Variants in ZSWIM5 observed in about 807,000 individuals in gnomAD.
ZSWIM5 encodes zinc finger SWIM domain-containing protein 5.
Under a neutral mutation model 119.6 loss-of-function variants are expected in ZSWIM5, and 55 were observed. The ratio of observed to expected loss-of-function variants is 0.46; its 90% CI spans 0.37 to 0.58. The LOEUF is 0.58. ZSWIM5 is among the 20% of genes least tolerant of loss of function. The pLI, the probability that ZSWIM5 is intolerant of heterozygous loss-of-function variation, is 0.00. For missense variants in ZSWIM5, 1,193 were observed against 1,512.8 expected, an observed-to-expected ratio of 0.79 and a Z score of 3.51; for synonymous variants, 537 against 606.9, an observed-to-expected ratio of 0.88 and a Z score of 1.69.
chr1:45,179,448 G>A (rs1646001290), intron 1 of ZSWIM5, among the ~76,000 whole-genome samples: 1 of 152,012 alleles, frequency 6.6e-6, no homozygotes, highest in African/African-American at 2.4e-5. Flanking sequence ...TACAACATAG[G>A]GAAGGGAGAG....
intron 4 of ZSWIM5, among the ~76,000 whole-genome samples, chr1:45,051,473 T>A (rs1225346368): frequency 6.6e-6 from 1 of 152,202 alleles, no homozygotes; most frequent in African/African-American, 2.4e-5. Flanking sequence ...GTGCCTGTGA[T>A]ATAAAGACAG....
At chr1:45,130,987 A>G (rs981767092) in intron 1 of ZSWIM5, among the ~76,000 whole-genome samples, 1 of 152,168 alleles carries the variant, frequency 6.6e-6, no homozygotes, top group African/African-American at 2.4e-5. Flanking sequence ...CAATCCCCCA[A>G]AGCTACATTA....
rs746498350 is a variant in ZSWIM5, at chr1:45,020,099, C to T, written c.2662G>A (p.Val888Ile). ...GTAGCACAGGTCACCAACCATCGTA[C>T]CATCTCCCTGCGTCTCCAGTTAAGG... ...STLNWRRREM[V>I]RWLVTCATEV... The change falls in exon 13 of 14, where the codon GTA becomes ATA. Residue 888 changes from valine to isoleucine, a missense_variant. By Grantham distance (29) the Val-to-Ile change is conservative. Transcript: ENST00000359600. 8 of 1,614,032 alleles carry T rather than the reference C, an allele frequency of 5.0e-6. No individual in the cohort carries two copies. Among genetic ancestry groups the T allele is most frequent in the Non-Finnish European group, 5.9e-6 (7 of 1,180,032 alleles).
In ZSWIM5 at chr1:45,205,820, C is replaced by A. The variant is rs1250378173; in HGVS notation, c.531G>T (p.Gly177=). 3.3e-6 allele frequency: 5 copies of A among 1,522,190 alleles called. No individual in the cohort carries two copies. 94.3% of individuals were successfully genotyped at this position (1,522,190 alleles called of 1,614,324 possible). Residue 177 remains glycine (G), a synonymous_variant, in exon 1 of 14, where the codon GGG becomes GGT. Coordinates refer to ENST00000359600, the MANE Select transcript of ZSWIM5 (RefSeq NM_020883.2). ...GAGAAGCGGE[G]LPFRRGIRLL... ...GACGGATGCCCCGGCGGAACGGGAG[C>A]CCCTCGCCACCGCAGCCGGCCGCGC...
chr1:45,115,322 A>C (rs1645546282), intron 1 of ZSWIM5, among the ~76,000 whole-genome samples: 1 of 147,412 alleles, frequency 6.8e-6, no homozygotes, highest in African/African-American at 2.6e-5. Flanking sequence ...CCGGGTGGAG[A>C]CGCTCCTCAT....
At chr1:45,150,867 T>C (rs1343369228) in intron 1 of ZSWIM5, among the ~76,000 whole-genome samples, 1 of 152,198 alleles carries the variant, frequency 6.6e-6, no homozygotes, top group Admixed American at 6.5e-5. Context: ...CAGACCTTTA[T>C]GTGACCTAGA....
In ZSWIM5 at chr1:45,160,989, A is replaced by ATTTTTTTTTTTTTTTTTTTTTTT. The variant is rs534599856; in HGVS notation, c.595+44766_595+44767insAAAAAAAAAAAAAAAAAAAAAAA. Among the ~76,000 whole-genome samples, 128 of 122,600 alleles carry ATTTTTTTTTTTTTTTTTTTTTTT rather than the reference A, an allele frequency of 1.0e-3. 4 individuals carry two copies. The highest frequency in any genetic ancestry group is 3.4e-3 in the East Asian group (15 of 4,436). The allele number at this position is 122,600 out of a possible 152,430, so 80.4% of individuals were successfully genotyped here. ...AGCGCCTGCCACCATGCCCGGCTAA[A>ATTTTTTTTTTTTTTTTTTTTTTT]TTTTTTTTTTTTTTTTTAGTAGAGA... On this transcript the variant is annotated intron_variant, in intron 1 of 13. Coordinates refer to ENST00000359600, the MANE Select transcript of ZSWIM5 (RefSeq NM_020883.2).
At chr1:45,098,290 A>G (rs969281711) in intron 1 of ZSWIM5, among the ~76,000 whole-genome samples, 7 of 152,164 alleles carry the variant, frequency 4.6e-5, no homozygotes, top group African/African-American at 1.4e-4. Flanking sequence ...CTTCTGATTC[A>G]TATACAAAAG....
intron 1 of ZSWIM5, among the ~76,000 whole-genome samples, chr1:45,168,305 C>A (rs1645921531): frequency 6.6e-6 from 1 of 151,756 alleles, no homozygotes. Flanking sequence ...TTGGGAACAC[C>A]ACACACCAGG....
chr1:45,044,366 T>C (rs977807994), intron 5 of ZSWIM5, among the ~76,000 whole-genome samples: 1 of 151,802 alleles, frequency 6.6e-6, no homozygotes, highest in Non-Finnish European at 1.5e-5. Flanking sequence ...GGCTGGCGGA[T>C]TGTTTGAGTC....
intron 1 of ZSWIM5, among the ~76,000 whole-genome samples, chr1:45,142,973 C>A (rs1645736180): frequency 6.7e-6 from 1 of 149,136 alleles, no homozygotes. Flanking sequence ...GAGTTTGAGA[C>A]TAGCCTGGGC....
At chr1:45,077,666 T>A (rs1645263562) in intron 2 of ZSWIM5, among the ~76,000 whole-genome samples, 1 of 152,196 alleles carries the variant, frequency 6.6e-6, no homozygotes, top group Non-Finnish European at 1.5e-5. Flanking sequence ...GGGAATTTCC[T>A]CTTCCTAATA....
chr1:45,177,737 G>C (rs1415332888), intron 1 of ZSWIM5, among the ~76,000 whole-genome samples: 1 of 151,740 alleles, frequency 6.6e-6, no homozygotes, highest in African/African-American at 2.4e-5. Context: ...TGCTTCCCTG[G>C]GATCATATTC....
intron 2 of ZSWIM5, among the ~76,000 whole-genome samples, chr1:45,076,272 C>G (rs565939625): frequency 6.6e-6 from 1 of 152,274 alleles, no homozygotes; most frequent in African/African-American, 2.4e-5. Flanking sequence ...GATAGAAGTA[C>G]TCTCTTTTAG....
At chr1:45,121,299 AG>A (rs148268170) in intron 1 of ZSWIM5, among the ~76,000 whole-genome samples, 3,131 of 152,220 alleles carry the variant, frequency 0.021, 113 homozygotes, top group African/African-American at 0.072. Flanking sequence ...CTCATACAGT[AG>A]TCAGTTTTCC....
At position 45,043,367 on chromosome 1, in the gene ZSWIM5, T is replaced by C; in HGVS notation, c.1461A>G (p.Val487=). The C allele has an allele frequency of 6.2e-7, 1 of 1,614,214 alleles. No individual in the cohort carries two copies. Among genetic ancestry groups the C allele is most frequent in the East Asian group, 2.2e-5 (1 of 44,892 alleles). ...PDSLSRPRRT[V]FTRAIEGREL... ...CACGCCCCTCAATGGCTCTAGTGAA[T>C]ACTGTTCGTCTTGGTCTGGATAAGG... is the stretch of plus-strand genomic sequence containing the variant. Residue 487 remains valine, a synonymous_variant, in exon 6 of 14, where the codon GTA becomes GTG. Transcript: ENST00000359600.
chr1:45,121,259 G>A (rs979064710), intron 1 of ZSWIM5, among the ~76,000 whole-genome samples: 10 of 152,078 alleles, frequency 6.6e-5, no homozygotes, highest in Admixed American at 4.6e-4. Flanking sequence ...CCCACCTTTC[G>A]TCTTAATTCA....
chr1:45,169,487 T>G (rs1645932322), intron 1 of ZSWIM5, among the ~76,000 whole-genome samples: 1 of 152,056 alleles, frequency 6.6e-6, no homozygotes, highest in Non-Finnish European at 1.5e-5. Flanking sequence ...AGTGACACAG[T>G]TGGAATATGA....
chr1:45,031,639 A>G (rs971805712), intron 11 of ZSWIM5, among the ~76,000 whole-genome samples: 1 of 151,912 alleles, frequency 6.6e-6, no homozygotes, highest in Non-Finnish European at 1.5e-5. Flanking sequence ...GGAGATCGAG[A>G]CCATCCTGGC....
Sources: allele counts gnomAD v4.1 joint callset (sites outside exome capture counted in the v4.1 genomes callset), GRCh38; gene constraint gnomAD v4.1.1; transcripts MANE v1.5; gene names NCBI Gene and HGNC (gene_info 2026-07-23, HGNC 2026-07-21).